The following SLC13A3 variants were observed in gnomAD, a reference collection of about 807,000 sequenced individuals.
SLC13A3 encodes the protein solute carrier family 13 member 3.
In SLC13A3, 40 loss-of-function variants were observed where a neutral mutation model predicts 59.0. The ratio of observed to expected loss-of-function variants is 0.68; its 90% confidence interval spans 0.53 to 0.88. The LOEUF (loss-of-function observed/expected upper bound fraction) is 0.88. SLC13A3 is among the 40% of genes least tolerant of loss of function. The pLI is 0.00. For synonymous variants in SLC13A3, 317 were observed against 330.3 expected, an observed-to-expected ratio of 0.96 and a Z score of 0.44; for missense variants, 699 against 783.2, an observed-to-expected ratio of 0.89 and a Z score of 1.28.
rs558825105 is a variant in SLC13A3, at chr20:46,563,171, A to G, written c.1632+243T>C. On this transcript the variant is annotated intron_variant, in intron 12 of 12. Transcript: ENST00000279027. ...GAAGTGGGGTCCAGAGGGAAGGGGA[A>G]GTTCCTTGCCTCTGGAGCAAATTTT... Among the ~76,000 whole-genome samples the G allele has an allele frequency of 3.3e-5, 5 of 152,312 alleles. No individual in the cohort carries two copies. In the South Asian group the frequency reaches 1.0e-3, roughly 32 times the overall value.
chr20:46,562,795 T>C (rs2061942599), intron 12 of SLC13A3, among the ~76,000 whole-genome samples: 1 of 152,156 alleles, frequency 6.6e-6, no homozygotes, highest in East Asian at 1.9e-4. Context: ...TCACTCTCGC[T>C]CTCTCTCCCC....
At chr20:46,608,823 C>A in intron 3 of SLC13A3, 2 of 1,497,684 alleles carry the variant, frequency 1.3e-6, no homozygotes, top group South Asian at 2.7e-5. Context: ...GGTAAATGAT[C>A]CAAAGCCACA....
chr20:46,613,503 T>C lies in SLC13A3; in HGVS notation c.334A>G (p.Ile112Val). ...ACAAGCATCAGGATCTTGAGGGCGA[T>C]TCGCCGGTGCAGGTTCCACTCCTCA... ...AIEEWNLHRRIALKILMLVGV... is the reference protein window; with the variant it reads ...AIEEWNLHRRVALKILMLVGV... The change falls in exon 2 of 13, where the codon ATC becomes GTC. Residue 112 changes from isoleucine to valine, a missense_variant. Coordinates refer to ENST00000279027, the MANE Select transcript of SLC13A3 (RefSeq NM_022829.6). 1 of 1,610,680 alleles carries C rather than the reference T, an allele frequency of 6.2e-7. No homozygotes were observed. The highest frequency in any genetic ancestry group is 2.2e-5 in the East Asian group (1 of 44,796).
upstream of SLC13A3, among the ~76,000 whole-genome samples, chr20:46,674,600 CGCGCGT>C (rs1447560493): frequency 6.6e-4 from 32 of 48,450 alleles, no homozygotes; most frequent in East Asian, 1.3e-3. Flanking sequence ...CGCGCGCGCG[CGCGCGT>C]GTGTGTGTGT....
chr20:46,570,444 A>G (rs2062020243), intron 10 of SLC13A3, among the ~76,000 whole-genome samples: 1 of 152,190 alleles, frequency 6.6e-6, no homozygotes, highest in East Asian at 1.9e-4. Flanking sequence ...AATACACCTA[A>G]CCTACCTGTT....
upstream of SLC13A3, among the ~76,000 whole-genome samples, chr20:46,671,304 A>C (rs543987785): frequency 6.6e-6 from 1 of 152,294 alleles, no homozygotes; most frequent in Admixed American, 6.5e-5. Flanking sequence ...GCACTCATGC[A>C]ATTGGTCAAG....
chr20:46,562,013 C>T (rs2061936078), intron 12 of SLC13A3, among the ~76,000 whole-genome samples: 1 of 152,184 alleles, frequency 6.6e-6, no homozygotes, highest in Non-Finnish European at 1.5e-5. Flanking sequence ...CAAGTCTCTA[C>T]CTCTTGGGGA....
chr20:46,588,293 C>A (rs1382982126), intron 7 of SLC13A3, 130 bp from the exon 8 acceptor site: 6 of 564,524 alleles, frequency 1.1e-5, no homozygotes, highest in Non-Finnish European at 1.9e-5. Flanking sequence ...CTGAAGTCAT[C>A]CACTCCCCAG....
intron 2 of SLC13A3, among the ~76,000 whole-genome samples, chr20:46,613,237 C>A (rs1050543052): frequency 1.3e-5 from 2 of 151,962 alleles, no homozygotes; most frequent in South Asian, 4.2e-4. Context: ...CCTTTGAGAA[C>A]AGCTGCCCAT....
intron 3 of SLC13A3, among the ~76,000 whole-genome samples, chr20:46,603,921 G>A (rs776878356): frequency 1.3e-5 from 2 of 150,322 alleles, no homozygotes; most frequent in African/African-American, 2.5e-5. Context: ...ATCTAGGGAG[G>A]TCAAGGCTGC....
At chr20:46,659,722 C>A (rs552620237) in intron 1 of SLC13A3, among the ~76,000 whole-genome samples, 9 of 146,074 alleles carry the variant, frequency 6.2e-5, no homozygotes, top group South Asian at 4.3e-4. Context: ...TCCCCCCCCC[C>A]CAAAAAAAAA....
intron 1 of SLC13A3, 94 bp from the exon 2 acceptor site, chr20:46,613,819 G>A: frequency 8.6e-7 from 1 of 1,165,450 alleles, no homozygotes; most frequent in Non-Finnish European, 1.2e-6. Flanking sequence ...AAGGAGGCCT[G>A]GGCTGGGGGC....
At chr20:46,609,066 A>G (rs745840761) in intron 3 of SLC13A3, 1 of 1,549,742 alleles carries the variant, frequency 6.5e-7, no homozygotes, top group South Asian at 1.2e-5. Flanking sequence ...TCCTAAAAGA[A>G]CAAAGGAAGA....
chr20:46,663,029 C>T lies in SLC13A3; in HGVS notation c.-31+7014G>A, dbSNP rs147725992. Among the ~76,000 whole-genome samples, 60 of 152,254 alleles carry T rather than the reference C, an allele frequency of 3.9e-4. No individual in the cohort carries two copies. The East Asian group carries it at 8.1e-3, about 21-fold the overall frequency. ...TGGGGGCTGGGCATGGTGTGTCACACCTGTAATCCCAGCACTTTGGGAGGC... is the reference window on the plus strand; with the variant it reads ...TGGGGGCTGGGCATGGTGTGTCACATCTGTAATCCCAGCACTTTGGGAGGC... On this transcript the variant is annotated intron_variant, in intron 1 of 12. Transcript: ENST00000290317.
In SLC13A3 at chr20:46,642,628, C is replaced by A. The variant is rs926288768; in HGVS notation, c.111+8683G>T. 6.6e-5 allele frequency among the ~76,000 whole-genome samples: 10 copies of A among 152,290 alleles called. No individual in the cohort carries two copies. The East Asian group carries it at 1.7e-3, about 26-fold the overall frequency. On this transcript the variant is annotated intron_variant, in intron 1 of 12. Transcript: ENST00000279027. ...TTGCGCTTCCCATTCCCCAGGAGCA[C>A]CCTTCCTTCCTCTCTTCATCTTACC...
chr20:46,678,330 C>T (rs1047884235), intron 1 of SLC13A3, among the ~76,000 whole-genome samples: 3 of 152,226 alleles, frequency 2.0e-5, no homozygotes, highest in Non-Finnish European at 2.9e-5. Context: ...ATGGCTTTGG[C>T]GGCCTGGGGT....
chr20:46,611,825 G>T (rs6094395), intron 2 of SLC13A3, among the ~76,000 whole-genome samples: 5,399 of 151,826 alleles, frequency 0.036, 283 homozygotes, highest in African/African-American at 0.12. Context: ...GAAATGAGAC[G>T]TATTTGAAAT....
chr20:46,584,609 A>G (rs545440523), intron 8 of SLC13A3: 4 of 575,490 alleles, frequency 7.0e-6, no homozygotes, highest in South Asian at 7.7e-5. Flanking sequence ...ATGGTATACC[A>G]TTCATTTGCC....
upstream of SLC13A3, among the ~76,000 whole-genome samples, chr20:46,652,486 C>T (rs1395518740): frequency 2.6e-5 from 4 of 151,354 alleles, no homozygotes; most frequent in Admixed American, 6.6e-5. Context: ...CTCTGCCTCC[C>T]GGGTTCAAGC....
Sources: gnomAD v4.1 joint callset for allele counts (sites outside exome capture counted in the v4.1 genomes callset) on GRCh38, gnomAD v4.1.1 for gene constraint, MANE v1.5 for transcripts, NCBI Gene and HGNC (gene_info 2026-07-23, HGNC 2026-07-21) for gene names.